Variants in MYT1 observed in about 807,000 individuals in gnomAD.
MYT1 encodes the protein myelin transcription factor I.
A neutral mutation model predicts 123.0 loss-of-function variants in MYT1; 23 were observed. That is an observed-to-expected ratio of 0.19 (90% CI 0.13 to 0.26). The LOEUF is 0.26. Among genes scored for constraint, MYT1 ranks in the 10% least tolerant of loss-of-function variants. MYT1 has a pLI of 1.00. For synonymous variants in MYT1, 518 were observed against 575.3 expected (o/e 0.90, Z 1.43); for missense variants, 1,125 against 1,472.5 (o/e 0.76, Z 3.86).
rs1359269847 is a variant in MYT1 at position 64,231,998 on chromosome 20, C to G, written c.2676-166C>G. ...GGTCTTCACACTCAGCCCGGAAGGG[C>G]CAGTTCTTCCCTGAGGCTCCAGGAC... is the stretch of plus-strand genomic sequence containing the variant. On this transcript the variant is annotated intron_variant, in intron 18 of 22. Transcript: ENST00000328439. This position sits in a 1 kb window ranked among gnomAD's most constrained non-coding sequence, Gnocchi z 6.4. Among the ~76,000 whole-genome samples the G allele has an allele frequency of 6.6e-6, 1 of 152,180 alleles. No individual in the cohort carries two copies. Among genetic ancestry groups the G allele is most frequent in the Non-Finnish European group, 1.5e-5 (1 of 68,018 alleles).
At chr20:64,178,351 C>A (rs1310132656) in intron 1 of MYT1, among the ~76,000 whole-genome samples, 1 of 152,262 alleles carries the variant, frequency 6.6e-6, no homozygotes, top group African/African-American at 2.4e-5. Context: ...CCATCTGGTC[C>A]TCAGACCCAT....
At chr20:64,177,000 G>A (rs1982477590) in intron 1 of MYT1, among the ~76,000 whole-genome samples, 2 of 152,358 alleles carry the variant, frequency 1.3e-5, no homozygotes, top group Non-Finnish European at 2.9e-5. Context: ...CTCAGCCACA[G>A]TAACTGCCTG....
intron 5 of MYT1, 105 bp downstream of exon 5, chr20:64,205,202 G>C (rs1983449285): frequency 7.3e-7 from 1 of 1,373,692 alleles, no homozygotes; most frequent in African/African-American, 1.4e-5. Context: ...GGCTCCCAAG[G>C]CCAGGCTGCT....
intron 19 of MYT1, among the ~76,000 whole-genome samples, chr20:64,233,984 AGAG>A (rs1295161128): frequency 1.3e-5 from 2 of 152,224 alleles, no homozygotes; most frequent in African/African-American, 4.8e-5. Context: ...GGCAGAAGGC[AGAG>A]GAGAGACTAG....
At chr20:64,237,134 A>G (rs1601727546) in intron 20 of MYT1, among the ~76,000 whole-genome samples, 153 bp from the exon 21 acceptor site, 1 of 152,204 alleles carries the variant, frequency 6.6e-6, no homozygotes, top group Non-Finnish European at 1.5e-5. Context: ...AATGTGGGGT[A>G]TGAGCCCCAG....
At chr20:64,184,814 C>T (rs548686174) in intron 1 of MYT1, among the ~76,000 whole-genome samples, 3 of 152,190 alleles carry the variant, frequency 2.0e-5, no homozygotes, top group East Asian at 1.9e-4. Context: ...CCCCACGTCA[C>T]GTAAGAAGCA....
rs767800045 is a variant in MYT1, at chr20:64,207,859, C to T, written c.663C>T (p.Ala221=). ...GCCTCTTCATCCAGCCAGAGGATGCCGAGGAGGTCGTCGAAGTCACCACCG... is the reference window on the plus strand; with the variant it reads ...GCCTCTTCATCCAGCCAGAGGATGCTGAGGAGGTCGTCGAAGTCACCACCG... ...EKGLFIQPED[A]EEVVEVTTER... Residue 221 remains alanine, a synonymous_variant, in exon 7 of 23, where the codon GCC becomes GCT. Coordinates refer to ENST00000328439, the MANE Select transcript of MYT1 (RefSeq NM_004535.3). 58 of 1,613,242 alleles carry T rather than the reference C, an allele frequency of 3.6e-5. No individual in the cohort carries two copies. The highest frequency in any genetic ancestry group is 3.9e-5 in the Non-Finnish European group (46 of 1,179,846).
Position 64,231,716 on chromosome 20 carries a change from T to C in MYT1, c.2676-448T>C, listed in dbSNP as rs915574148. ...CCTGCTTAGGGGACCTTGTCATTCT[T>C]TTGTGATCCATAGGCCCCCAGGCCT... On this transcript the variant is annotated intron_variant, in intron 18 of 22. Coordinates refer to ENST00000328439, the MANE Select transcript of MYT1 (RefSeq NM_004535.3). The surrounding 1 kb of genome is among the most constrained non-coding windows in gnomAD (Gnocchi z 6.4). Among the ~76,000 whole-genome samples, 4 of 152,122 alleles carry C rather than the reference T, an allele frequency of 2.6e-5. No homozygotes were observed. Among genetic ancestry groups the C allele is most frequent in the African/African-American group, 7.2e-5 (3 of 41,440 alleles).
At chr20:64,205,891 G>A (rs1453868106) in intron 6 of MYT1, 91 bp downstream of exon 6, 3 of 1,536,064 alleles carry the variant, frequency 2.0e-6, no homozygotes, top group Non-Finnish European at 8.8e-7. Flanking sequence ...CTCACTCCGG[G>A]CAAGAGAAAG....
intron 10 of MYT1, among the ~76,000 whole-genome samples, chr20:64,216,338 CCT>C (rs1449785975): frequency 2.6e-5 from 4 of 152,240 alleles, no homozygotes; most frequent in African/African-American, 9.6e-5. Flanking sequence ...TCTTCCTGCC[CCT>C]GTGCCTTCTA....
chr20:64,220,881 G>A (rs1568716243), intron 13 of MYT1, among the ~76,000 whole-genome samples: 12 of 143,240 alleles, frequency 8.4e-5, no homozygotes, highest in African/African-American at 2.9e-4. Context: ...GCTGGATCAG[G>A]CCCCTATGAA....
At chr20:64,239,610 GA>G (rs1984652482) in intron 21 of MYT1, 149 bp from the exon 22 acceptor site, 1 of 1,106,594 alleles carries the variant, frequency 9.0e-7, no homozygotes, top group Non-Finnish European at 1.3e-6. Flanking sequence ...ACCTGTGGCA[GA>G]ACCCCCTACA....
intron 2 of MYT1, among the ~76,000 whole-genome samples, chr20:64,195,394 G>T (rs867011822): frequency 1.1e-4 from 2 of 18,378 alleles, no homozygotes; most frequent in African/African-American, 3.8e-4. Context: ...GTGTGTGTGT[G>T]TGTATACTTT....
In MYT1 at chr20:64,212,859, T is replaced by C. The variant is rs1348272078; in HGVS notation, c.1518-675T>C. 6.6e-6 allele frequency among the ~76,000 whole-genome samples: 1 copy of C among 152,096 alleles called. No individual in the cohort carries two copies. Among genetic ancestry groups the C allele is most frequent in the African/African-American group, 2.4e-5 (1 of 41,418 alleles). ...GGGTGGCCGTGGCCTCGGTGGGATATGCTTTCCCCCAGCAGGCTTATGCTC... is the reference window on the plus strand; with the variant it reads ...GGGTGGCCGTGGCCTCGGTGGGATACGCTTTCCCCCAGCAGGCTTATGCTC... On this transcript the variant is annotated intron_variant, in intron 9 of 22. Coordinates refer to ENST00000328439, the MANE Select transcript of MYT1 (RefSeq NM_004535.3). This position sits in a 1 kb window ranked among gnomAD's most constrained non-coding sequence, Gnocchi z 6.8.
At position 64,203,437 on chromosome 20, in the gene MYT1, G is replaced by A. The variant is rs1054825639; in HGVS notation, c.87-1598G>A. Among the ~76,000 whole-genome samples the A allele has an allele frequency of 7.2e-5, 11 of 152,170 alleles. No homozygotes were observed. Among genetic ancestry groups the A allele is most frequent in the South Asian group, 2.1e-4 (1 of 4,830 alleles). On this transcript the variant is annotated intron_variant, in intron 4 of 22. Coordinates refer to ENST00000328439, the MANE Select transcript of MYT1 (RefSeq NM_004535.3). This position sits in a 1 kb window ranked among gnomAD's most constrained non-coding sequence, Gnocchi z 5.1. The stretch of plus-strand genomic sequence containing the variant: ...GAGGCAGGGAGAGGTGGGTGGCAGC[G>A]GCGGCAACTCCCTCAGTTTGGAAAG...
intron 2 of MYT1, among the ~76,000 whole-genome samples, chr20:64,198,286 CAAAA>C (rs34822167): frequency 1.7e-4 from 4 of 23,818 alleles, no homozygotes; most frequent in African/African-American, 2.2e-4. Flanking sequence ...GACTCCGTCT[CAAAA>C]AAAAAAAAAA....
chr20:64,223,063 G>T lies in MYT1; in HGVS notation c.2397-48G>T, dbSNP rs748185976. 7 of 1,606,480 alleles carry T rather than the reference G, an allele frequency of 4.4e-6. No homozygotes were observed. In the South Asian group the frequency reaches 4.4e-5, roughly 10 times the overall value. ...TCGCAGAGCAGGCTCAGCCTGGGGGGCAGGTACACACCACTCTCCGGTCTG... is the reference window on the plus strand; with the variant it reads ...TCGCAGAGCAGGCTCAGCCTGGGGGTCAGGTACACACCACTCTCCGGTCTG... On this transcript the variant is annotated intron_variant, in intron 14 of 22. Transcript: ENST00000328439.
chr20:64,242,173 T>C lies in MYT1; in HGVS notation c.*1725T>C, dbSNP rs1984734548. On this transcript the variant is annotated 3_prime_UTR_variant, in exon 23 of 23. Coordinates refer to ENST00000328439, the MANE Select transcript of MYT1 (RefSeq NM_004535.3). Reference sequence around the variant, plus strand: ...GCTCCAATACTGTGACCCTCCTTCCTCAGGAAGCGCGTTGAACCCACAGCA... The same window carrying C: ...GCTCCAATACTGTGACCCTCCTTCCCCAGGAAGCGCGTTGAACCCACAGCA... 1 of 152,634 alleles carries C rather than the reference T, an allele frequency of 6.6e-6. No homozygotes were observed. Among genetic ancestry groups the C allele is most frequent in the Non-Finnish European group, 1.5e-5 (1 of 68,032 alleles). 9.5% of individuals were successfully genotyped at this position (152,634 alleles called of 1,614,324 possible). A position where few individuals can be genotyped will look rare whatever the true frequency, so the allele number is the denominator to read the frequency against.
At chr20:64,225,235 C>T (rs1283597612) in intron 16 of MYT1, among the ~76,000 whole-genome samples, 1 of 152,230 alleles carries the variant, frequency 6.6e-6, no homozygotes, top group African/African-American at 2.4e-5. Context: ...TGCTCTCTGC[C>T]ACCTCCTGTG....
Sources: gnomAD v4.1 joint callset for allele counts (sites outside exome capture counted in the v4.1 genomes callset) on GRCh38, gnomAD v4.1.1 for gene constraint, Gnocchi (gnomAD v3.1) non-coding constraint, MANE v1.5 for transcripts, NCBI Gene and HGNC (gene_info 2026-07-23, HGNC 2026-07-21) for gene names.